The following EML6 variants were observed in gnomAD, a reference collection of about 807,000 sequenced individuals.
EML6 encodes the protein echinoderm microtubule-associated protein-like 6.
A neutral mutation model predicts 240.1 loss-of-function variants in EML6; 154 were observed. The ratio of observed to expected loss-of-function variants is 0.64; its 90% CI spans 0.56 to 0.73. The LOEUF is 0.73. Among genes scored for constraint, EML6 ranks in the 30% least tolerant of loss-of-function variants. EML6 has a pLI of 0.00. For missense variants in EML6, 2,964 were observed against 2,474.6 expected (o/e 1.20, Z -4.20); for synonymous variants, 1,148 against 899.0 (o/e 1.28, Z -4.95).
chr2:54,829,426 T>C lies in EML6; in HGVS notation c.796T>C (p.Phe266Leu). 6.4e-7 allele frequency: 1 copy of C among 1,552,000 alleles called. No homozygotes were observed. Among genetic ancestry groups the C allele is most frequent in the Non-Finnish European group, 8.7e-7 (1 of 1,146,918 alleles). ...GTGTATACGACTGTGGGACACTGAT[T>C]TCAAACCAATAACCAAAATTGATCT... Reference protein sequence around the residue: ...DGCIRLWDTDFKPITKIDLRE... With the variant: ...DGCIRLWDTDLKPITKIDLRE... The change falls in exon 7 of 42, where the codon TTC (phenylalanine) becomes CTC (leucine). Residue 266 changes from phenylalanine (F) to leucine (L), a missense_variant. Physicochemically the swap from Phe to Leu is conservative, Grantham distance 22. Transcript: ENST00000356458.
At chr2:54,956,358 T>G (rs1676233409) in intron 32 of EML6, among the ~76,000 whole-genome samples, 1 of 152,038 alleles carries the variant, frequency 6.6e-6, no homozygotes. Context: ...TGGCTGCTTT[T>G]GTAATCTACC....
chr2:54,824,831 T>A (rs1388546533), intron 5 of EML6, among the ~76,000 whole-genome samples: 2 of 152,160 alleles, frequency 1.3e-5, no homozygotes, highest in East Asian at 3.8e-4. Flanking sequence ...TGCATTACAG[T>A]CTGTGGGTAG....
intron 25 of EML6, among the ~76,000 whole-genome samples, chr2:54,914,935 C>G (rs1673830329): frequency 1.3e-5 from 2 of 152,296 alleles, no homozygotes; most frequent in South Asian, 4.2e-4. Context: ...GGCAAACTCT[C>G]TGGAGCAAAC....
At chr2:54,862,418 ACAG>A (rs1670727430) in intron 12 of EML6, among the ~76,000 whole-genome samples, 1 of 151,530 alleles carries the variant, frequency 6.6e-6, no homozygotes. Flanking sequence ...GAGAGGTTCA[ACAG>A]CAGACTAGAT....
At chr2:54,799,590 G>T (rs112157576) in intron 2 of EML6, among the ~76,000 whole-genome samples, 211 of 152,288 alleles carry the variant, frequency 1.4e-3, no homozygotes, top group African/African-American at 4.9e-3. Context: ...TGATTCACCC[G>T]CCTTGGCCTC....
In EML6 at chr2:54,830,858, T is replaced by A. The variant is rs1190099608; in HGVS notation, c.847+1381T>A. Among the ~76,000 whole-genome samples, 5 of 152,308 alleles carry A rather than the reference T, an allele frequency of 3.3e-5. No homozygotes were observed. The East Asian group carries it at 9.6e-4, about 29-fold the overall frequency. ...CTAATCCAGGATTGGACTCTTGTCT[T>A]CTCACGGAGGCTCAGGATGCTGGTG... On this transcript the variant is annotated intron_variant, in intron 7 of 41. Coordinates refer to ENST00000356458, the MANE Select transcript of EML6 (RefSeq NM_001039753.4).
chr2:54,810,588 A>C (rs1339838802), intron 2 of EML6, among the ~76,000 whole-genome samples: 1 of 152,228 alleles, frequency 6.6e-6, no homozygotes, highest in Non-Finnish European at 1.5e-5. Flanking sequence ...TATCTCTTGA[A>C]AGTGTTTCTG....
At chr2:54,832,902 C>G (rs1558590009) in intron 7 of EML6, among the ~76,000 whole-genome samples, 1 of 152,178 alleles carries the variant, frequency 6.6e-6, no homozygotes, top group South Asian at 2.1e-4. Flanking sequence ...CTTCCTTGTT[C>G]TCAGTTTGGA....
At chr2:54,928,229 A>G (rs1245348907) in intron 26 of EML6, 84 bp from the exon 27 acceptor site, 2 of 1,049,900 alleles carry the variant, frequency 1.9e-6, no homozygotes, top group Non-Finnish European at 2.9e-6. Context: ...TTTCCTTTGT[A>G]TCCAGTAGAA....
At position 54,725,150 on chromosome 2, in the gene EML6, A is replaced by G; in HGVS notation, c.89A>G (p.Tyr30Cys). 6.5e-7 allele frequency: 1 copy of G among 1,537,636 alleles called. No homozygotes were observed. Among genetic ancestry groups the G allele is most frequent in the East Asian group, 2.6e-5 (1 of 38,330 alleles). Reference protein sequence around the residue: ...RGHQCRNNLYYTAGKEVVYFV... With the variant: ...RGHQCRNNLYCTAGKEVVYFV... ...CACCAGTGCCGCAACAACCTGTACTACACGGCAGGCAAGGAGGTGGTCTAC... is the reference window on the plus strand; with the variant it reads ...CACCAGTGCCGCAACAACCTGTACTGCACGGCAGGCAAGGAGGTGGTCTAC... Residue 30 changes from tyrosine to cysteine, a missense_variant, in exon 2 of 42, where the codon TAC (tyrosine) becomes TGC (cysteine). Coordinates refer to ENST00000356458, the MANE Select transcript of EML6 (RefSeq NM_001039753.4). The surrounding 1 kb of genome is among the most constrained non-coding windows in gnomAD (Gnocchi z 4.3).
chr2:54,924,224 C>T (rs1201162916), intron 26 of EML6, among the ~76,000 whole-genome samples: 1 of 152,100 alleles, frequency 6.6e-6, no homozygotes, highest in African/African-American at 2.4e-5. Context: ...TTTATATTCC[C>T]ACCAAAAATG....
chr2:54,814,932 A>G (rs532899697), intron 3 of EML6, among the ~76,000 whole-genome samples: 1 of 152,344 alleles, frequency 6.6e-6, no homozygotes, highest in East Asian at 1.9e-4. Flanking sequence ...GCTGGATGCT[A>G]GTATTTGTTC....
At chr2:54,839,263 C>A (rs568937942) in intron 7 of EML6, among the ~76,000 whole-genome samples, 48 of 152,248 alleles carry the variant, frequency 3.2e-4, no homozygotes, top group African/African-American at 1.1e-3. Context: ...TGCAGAAGAA[C>A]AATTAGGTTA....
At chr2:54,931,170 G>A (rs1674841382) in intron 28 of EML6, among the ~76,000 whole-genome samples, 1 of 151,914 alleles carries the variant, frequency 6.6e-6, no homozygotes, top group Admixed American at 6.6e-5. Context: ...TGTTAGCCAG[G>A]ATGGTCTCGA....
intron 2 of EML6, 140 bp from the exon 3 acceptor site, chr2:54,813,088 GTAAT>G (rs1667930110): frequency 3.3e-6 from 2 of 612,140 alleles, no homozygotes; most frequent in Admixed American, 3.1e-5. Context: ...GTCAAATCAA[GTAAT>G]TAATTACTTT....
At chr2:54,914,276 G>GC (rs1416927874) in intron 25 of EML6, among the ~76,000 whole-genome samples, 1 of 152,178 alleles carries the variant, frequency 6.6e-6, no homozygotes, top group Non-Finnish European at 1.5e-5. Flanking sequence ...ACAGCACTGT[G>GC]ATCTTAACCC....
intron 25 of EML6, among the ~76,000 whole-genome samples, chr2:54,913,373 G>A (rs181033280): frequency 3.3e-5 from 5 of 151,742 alleles, no homozygotes; most frequent in Non-Finnish European, 7.4e-5. Context: ...TCAGTCTCCC[G>A]AGTAGCTGGG....
intron 2 of EML6, among the ~76,000 whole-genome samples, chr2:54,788,378 T>G (rs1457613792): frequency 7.9e-5 from 12 of 152,060 alleles, no homozygotes. Context: ...TGGACCCAGG[T>G]GAGAGAAGAT....
intron 2 of EML6, among the ~76,000 whole-genome samples, chr2:54,809,957 G>C (rs1375142273): frequency 6.6e-6 from 1 of 152,270 alleles, no homozygotes; most frequent in South Asian, 2.1e-4. Flanking sequence ...TGATGGGAAA[G>C]GTAACAAATA....
Sources: gnomAD v4.1 joint callset for allele counts (sites outside exome capture counted in the v4.1 genomes callset) on GRCh38, gnomAD v4.1.1 for gene constraint, Gnocchi (gnomAD v3.1) non-coding constraint, MANE v1.5 for transcripts, NCBI Gene and HGNC (gene_info 2026-07-23, HGNC 2026-07-21) for gene names.